MAP2: variants seen among roughly 807,000 people sequenced by gnomAD.
MAP2 encodes microtubule-associated protein 2.
MAP2 carries 14 observed loss-of-function variants against 137.6 expected under a neutral mutation model. The ratio of observed to expected loss-of-function variants is 0.10; its 90% CI spans 0.07 to 0.16. The LOEUF (loss-of-function observed/expected upper bound fraction) is 0.16. MAP2 is among the 10% of genes least tolerant of loss of function. MAP2 has a pLI of 1.00. For synonymous variants in MAP2, 786 were observed against 782.3 expected (o/e 1.00, Z -0.08); for missense variants, 2,088 against 2,191.5 (o/e 0.95, Z 0.94).
In MAP2 at chr2:209,730,433, G is replaced by A; in HGVS notation, c.*36G>A. 6.6e-7 allele frequency: 1 copy of A among 1,512,326 alleles called. No homozygotes were observed. Among genetic ancestry groups the A allele is most frequent in the Non-Finnish European group, 9.1e-7 (1 of 1,094,292 alleles). The allele number at this position is 1,512,326 out of a possible 1,614,324, so 93.7% of individuals were successfully genotyped here. A position where few individuals can be genotyped will look rare whatever the true frequency, so the allele number is the denominator to read the frequency against. On this transcript the variant is annotated 3_prime_UTR_variant, in exon 16 of 16. Transcript: ENST00000682079. ...TTTAGCATTGAAATAATAATATTTA[G>A]GCATGAGCTCTTGGCAGGAGTGGGC... is the stretch of plus-strand genomic sequence containing the variant.
intron 1 of MAP2, among the ~76,000 whole-genome samples, chr2:209,440,719 G>T (rs1697553553): frequency 1.3e-5 from 2 of 151,406 alleles, no homozygotes; most frequent in Admixed American, 1.3e-4. Context: ...GAATTATAAG[G>T]CACCTTTCAG....
At chr2:209,620,429 T>C (rs2090789038) in intron 3 of MAP2, among the ~76,000 whole-genome samples, 1 of 152,230 alleles carries the variant, frequency 6.6e-6, no homozygotes. Context: ...CCTTTCAAAT[T>C]ATATTTTGAA....
At chr2:209,634,698 A>G (rs1288253454) in intron 4 of MAP2, among the ~76,000 whole-genome samples, 1 of 152,182 alleles carries the variant, frequency 6.6e-6, no homozygotes, top group Non-Finnish European at 1.5e-5. Context: ...ATACCAAGGG[A>G]AAATCTGCCT....
At chr2:209,442,366 A>G (rs1170054361) in intron 1 of MAP2, among the ~76,000 whole-genome samples, 1 of 151,640 alleles carries the variant, frequency 6.6e-6, no homozygotes, top group Non-Finnish European at 1.5e-5. Flanking sequence ...GGCCCCCAAG[A>G]CATTGATCAA....
At chr2:209,561,100 C>A (rs2071953469) in intron 2 of MAP2, among the ~76,000 whole-genome samples, 1 of 152,174 alleles carries the variant, frequency 6.6e-6, no homozygotes, top group Admixed American at 6.5e-5. Context: ...GGAAGGAGAA[C>A]ACACACAGAG....
chr2:209,608,498 G>A (rs1400370036), intron 3 of MAP2, among the ~76,000 whole-genome samples: 1 of 151,968 alleles, frequency 6.6e-6, no homozygotes, highest in Non-Finnish European at 1.5e-5. Flanking sequence ...TGTTGTCCAG[G>A]CTGGGAAATC....
chr2:209,695,172 C>A lies in MAP2; in HGVS notation c.3002C>A (p.Ala1001Asp), dbSNP rs770886225. The A allele has an allele frequency of 6.2e-7, 1 of 1,614,106 alleles. No homozygotes were observed. Among genetic ancestry groups the A allele is most frequent in the South Asian group, 1.1e-5 (1 of 91,070 alleles). The stretch of plus-strand genomic sequence containing the variant: ...GGAGTAACCTATGAGCAAGCTTTGG[C>A]CAAAGATTTGTCAATACCAACAGAT... The part of the protein sequence containing the change: ...GLGVTYEQAL[A>D]KDLSIPTDAS... The change falls in exon 8 of 16, where the codon GCC becomes GAC. Residue 1001 changes from alanine (A) to aspartate (D), a missense_variant. Coordinates refer to ENST00000682079, the MANE Select transcript of MAP2 (RefSeq NM_001375505.1).
intron 1 of MAP2, among the ~76,000 whole-genome samples, chr2:209,433,340 C>T (rs2149305857): frequency 6.6e-6 from 1 of 152,130 alleles, no homozygotes; most frequent in South Asian, 2.1e-4. Context: ...GGAGGAAAAG[C>T]TTTCAAGTGA....
intron 1 of MAP2, among the ~76,000 whole-genome samples, chr2:209,462,564 C>T (rs1251699470): frequency 1.3e-5 from 2 of 152,266 alleles, no homozygotes; most frequent in African/African-American, 4.8e-5. Flanking sequence ...AAAAGAAAGT[C>T]AGTCTCTAGT....
intron 3 of MAP2, among the ~76,000 whole-genome samples, chr2:209,607,998 CT>C (rs1227251090): frequency 3.9e-5 from 6 of 152,268 alleles, no homozygotes; most frequent in Middle Eastern, 3.4e-3. Context: ...CTATTATATG[CT>C]GGAAATGTTT....
intron 1 of MAP2, among the ~76,000 whole-genome samples, chr2:209,435,948 T>TATATATATTATATATA: frequency 1.8e-5 from 1 of 56,158 alleles, no homozygotes; most frequent in Admixed American, 2.7e-4. Context: ...TAATATATAC[T>TATATATATTATATATA]ATATATACAG....
chr2:209,437,845 C>T (rs905254391), intron 1 of MAP2, among the ~76,000 whole-genome samples: 3 of 151,482 alleles, frequency 2.0e-5, no homozygotes, highest in African/African-American at 4.8e-5. Flanking sequence ...TCCCCCTTAT[C>T]AGGACTTGTA....
chr2:209,722,888 C>G (rs1010078125), intron 13 of MAP2, among the ~76,000 whole-genome samples: 1 of 152,216 alleles, frequency 6.6e-6, no homozygotes, highest in African/African-American at 2.4e-5. Context: ...CATGGGTTTT[C>G]TTTCCTCTAA....
At position 209,694,363 on chromosome 2, in the gene MAP2, T is replaced by G; in HGVS notation, c.2193T>G (p.Ile731Met). The change falls in exon 8 of 16, where the codon ATT (isoleucine) becomes ATG (methionine). Residue 731 changes from isoleucine (I) to methionine (M), a missense_variant. Physicochemically the swap from Ile to Met is conservative, Grantham distance 10. Around this residue, in one of 6 missense-constraint regions of MAP2, gnomAD observed 500 missense variants for 482.9 expected, o/e 1.04. Coordinates refer to ENST00000682079, the MANE Select transcript of MAP2 (RefSeq NM_001375505.1). ...ATCTTTCTCCTCTGGCTTCCGATAT[T>G]CTAACCAACACTAGTGGAAGTATGG... is the stretch of plus-strand genomic sequence containing the variant. ...GHDLSPLASD[I>M]LTNTSGSMDE... The G allele has an allele frequency of 6.2e-7, 1 of 1,614,086 alleles. No homozygotes were observed. The highest frequency in any genetic ancestry group is 8.5e-7 in the Non-Finnish European group (1 of 1,180,004).
At chr2:209,475,006 G>A (rs1214108293) in intron 1 of MAP2, among the ~76,000 whole-genome samples, 3 of 152,034 alleles carry the variant, frequency 2.0e-5, no homozygotes, top group African/African-American at 7.2e-5. Context: ...TTGGGTGAAA[G>A]CATTTTTTTC....
intron 1 of MAP2, among the ~76,000 whole-genome samples, chr2:209,484,844 C>G (rs1225985552): frequency 6.6e-6 from 1 of 152,202 alleles, no homozygotes; most frequent in South Asian, 2.1e-4. Context: ...AAGGCCTCCT[C>G]AATTATTTAA....
At chr2:209,638,785 T>C (rs950176200) in intron 4 of MAP2, among the ~76,000 whole-genome samples, 2 of 152,160 alleles carry the variant, frequency 1.3e-5, no homozygotes, top group Non-Finnish European at 2.9e-5. Flanking sequence ...TCTGCCTTTC[T>C]GAATACAGTG....
intron 1 of MAP2, among the ~76,000 whole-genome samples, chr2:209,435,897 G>A (rs546933938): frequency 8.8e-5 from 11 of 125,242 alleles, no homozygotes; most frequent in Admixed American, 1.8e-4. Context: ...GCTTCTATTC[G>A]GGTTATGTCA....
At chr2:209,712,341 A>G (rs1236976048) in intron 13 of MAP2, among the ~76,000 whole-genome samples, 2 of 152,194 alleles carry the variant, frequency 1.3e-5, no homozygotes, top group Non-Finnish European at 2.9e-5. Flanking sequence ...TAGTAAATAC[A>G]TATGACACAA....
Sources: gnomAD v4.1 joint callset for allele counts (sites outside exome capture counted in the v4.1 genomes callset) on GRCh38, gnomAD v4.1.1 for gene constraint, gnomAD v4.1.1 regional missense constraint, MANE v1.5 for transcripts, NCBI Gene and HGNC (gene_info 2026-07-23, HGNC 2026-07-21) for gene names.